ESR1: variants seen among roughly 807,000 people sequenced by gnomAD.
ESR1 encodes the protein estrogen receptor 1, also known as estrogen receptor.
ESR1 carries 12 observed loss-of-function variants against 52.7 expected under a neutral mutation model. That is an observed-to-expected ratio of 0.23 (90% CI 0.15 to 0.37). ESR1 has a LOEUF of 0.37. ESR1 is among the 10% of genes least tolerant of loss of function. ESR1 has a pLI of 1.00. For synonymous variants in ESR1, 305 were observed against 316.8 expected, an observed-to-expected ratio of 0.96 and a Z score of 0.39; for missense variants, 584 against 779.7, an observed-to-expected ratio of 0.75 and a Z score of 2.99.
chr6:151,811,671 C>T lies in ESR1; in HGVS notation c.452+3307C>T, dbSNP rs191314821. Among the ~76,000 whole-genome samples, 27 of 152,208 alleles carry T rather than the reference C, an allele frequency of 1.8e-4. No homozygotes were observed. The East Asian group carries it at 4.4e-3, about 25-fold the overall frequency. ...TTTAAGTGACTAAGTTTCAAGTTTC[C>T]GATACATTTTTCCTTTTACTTAGAT... On this transcript the variant is annotated intron_variant, in intron 1 of 7. Transcript: ENST00000206249.
At chr6:152,077,148 A>G (rs1022559963) in intron 6 of ESR1, among the ~76,000 whole-genome samples, 1 of 152,176 alleles carries the variant, frequency 6.6e-6, no homozygotes, top group African/African-American at 2.4e-5. Context: ...TGCTGTGTGC[A>G]GCCTAGGAAC....
At chr6:151,934,977 G>T (rs1392970112) in intron 3 of ESR1, among the ~76,000 whole-genome samples, 1 of 152,170 alleles carries the variant, frequency 6.6e-6, no homozygotes, top group East Asian at 1.9e-4. Flanking sequence ...TCTACAGATT[G>T]TGCCAGTCAG....
At chr6:151,997,944 A>C (rs926733093) in intron 4 of ESR1, among the ~76,000 whole-genome samples, 1 of 151,882 alleles carries the variant, frequency 6.6e-6, no homozygotes, top group Non-Finnish European at 1.5e-5. Flanking sequence ...AAGCTTTCAG[A>C]AGTGATGAGG....
intron 2 of ESR1, among the ~76,000 whole-genome samples, chr6:151,789,844 A>G (rs1357307783): frequency 6.6e-6 from 1 of 151,942 alleles, no homozygotes; most frequent in African/African-American, 2.4e-5. Flanking sequence ...CTTCCCTCCC[A>G]TTTATTTGTC....
At chr6:151,706,992 C>A (rs770972309) in intron 2 of ESR1, among the ~76,000 whole-genome samples, 88 of 152,248 alleles carry the variant, frequency 5.8e-4, no homozygotes, top group Non-Finnish European at 1.0e-3. Context: ...GAGGGCTGTG[C>A]TTCGACCTTT....
chr6:151,973,135 G>T (rs2039083521), intron 4 of ESR1, among the ~76,000 whole-genome samples: 1 of 152,086 alleles, frequency 6.6e-6, no homozygotes, highest in Admixed American at 6.6e-5. Flanking sequence ...GCAATACTTT[G>T]CATCCTTCAA....
chr6:152,076,834 A>G (rs113800463), intron 6 of ESR1, among the ~76,000 whole-genome samples: 10 of 152,356 alleles, frequency 6.6e-5, no homozygotes, highest in African/African-American at 2.4e-4. Context: ...CTAAGCAGCA[A>G]AACATTCAAA....
chr6:151,956,367 C>T (rs1236040092), intron 4 of ESR1, among the ~76,000 whole-genome samples: 4 of 152,164 alleles, frequency 2.6e-5, no homozygotes, highest in African/African-American at 9.7e-5. Flanking sequence ...TCTACTGTAC[C>T]AGTTATTTCA....
intron 1 of ESR1, among the ~76,000 whole-genome samples, chr6:151,696,501 A>T (rs1779357002): frequency 6.6e-6 from 1 of 151,288 alleles, no homozygotes; most frequent in Non-Finnish European, 1.5e-5. Context: ...TAAATAAATA[A>T]ATAAATAAAT....
At chr6:151,916,780 A>G (rs903405803) in intron 3 of ESR1, among the ~76,000 whole-genome samples, 3 of 152,194 alleles carry the variant, frequency 2.0e-5, no homozygotes, top group Non-Finnish European at 4.4e-5. Context: ...GTATTTATTG[A>G]GTCCATAATT....
intron 4 of ESR1, among the ~76,000 whole-genome samples, chr6:152,004,866 G>A (rs747521181): frequency 3.9e-5 from 6 of 151,942 alleles, no homozygotes; most frequent in Non-Finnish European, 7.4e-5. Flanking sequence ...TTAATATGGG[G>A]TATTTATTTG....
chr6:151,899,804 C>G (rs1796377748), intron 3 of ESR1, among the ~76,000 whole-genome samples: 1 of 151,612 alleles, frequency 6.6e-6, no homozygotes, highest in Admixed American at 6.6e-5. Context: ...CGATGGGCGG[C>G]AGGGCAGAGA....
In ESR1 at chr6:151,983,250, C is replaced by T. The variant is rs561634507; in HGVS notation, c.1097-28406C>T. Among the ~76,000 whole-genome samples, 44 of 152,134 alleles carry T rather than the reference C, an allele frequency of 2.9e-4. 1 individual carries two copies. Among genetic ancestry groups the T allele is most frequent in the African/African-American group, 1.0e-3 (43 of 41,458 alleles). On this transcript the variant is annotated intron_variant, in intron 4 of 7. Coordinates refer to ENST00000206249, the MANE Select transcript of ESR1 (RefSeq NM_000125.4). The stretch of plus-strand genomic sequence containing the variant: ...TCTTGAAAAACCAATAAAAATTCAC[C>T]ACGTAGAGAGGAGGAGGGCGACTAC...
intron 2 of ESR1, among the ~76,000 whole-genome samples, chr6:151,789,711 C>T (rs1254491510): frequency 6.6e-6 from 1 of 152,178 alleles, no homozygotes; most frequent in Non-Finnish European, 1.5e-5. Flanking sequence ...TTTATATAAC[C>T]AGCCCAATGT....
chr6:151,659,421 C>T (rs1022914849), intron 1 of ESR1, among the ~76,000 whole-genome samples: 5 of 152,346 alleles, frequency 3.3e-5, no homozygotes, highest in African/African-American at 9.6e-5. Flanking sequence ...ATTGTTCCTC[C>T]TGCAAAGTTC....
intron 2 of ESR1, among the ~76,000 whole-genome samples, chr6:151,720,598 A>G (rs1307559820): frequency 6.6e-6 from 1 of 152,176 alleles, no homozygotes; most frequent in Non-Finnish European, 1.5e-5. Context: ...TATTTACCCC[A>G]ATTTTTCCAA....
At chr6:151,741,055 G>T (rs1000000747) in intron 2 of ESR1, among the ~76,000 whole-genome samples, 1 of 152,194 alleles carries the variant, frequency 6.6e-6, no homozygotes, top group Admixed American at 6.5e-5. Context: ...GGGAAGAAAT[G>T]CTTCCGCTTC....
intron 1 of ESR1, among the ~76,000 whole-genome samples, chr6:151,695,144 C>A (rs138722691): frequency 6.6e-6 from 1 of 152,178 alleles, no homozygotes; most frequent in Non-Finnish European, 1.5e-5. Flanking sequence ...GCTTCCCTAG[C>A]CTTTCTGTTG....
chr6:151,809,943 G>A (rs770703382), intron 1 of ESR1, among the ~76,000 whole-genome samples: 1 of 151,962 alleles, frequency 6.6e-6, no homozygotes, highest in Non-Finnish European at 1.5e-5. Context: ...ACTGCTTGAT[G>A]TGAAGGAAGG....
Sources: allele counts gnomAD v4.1 joint callset (sites outside exome capture counted in the v4.1 genomes callset), GRCh38; gene constraint gnomAD v4.1.1; transcripts MANE v1.5; gene names NCBI Gene and HGNC (gene_info 2026-07-23, HGNC 2026-07-21).